Variants in SMARCA2 observed in about 807,000 individuals in gnomAD.
The protein encoded by SMARCA2 is SWI/SNF-related matrix-associated actin-dependent regulator of chromatin subfamily A member 2.
Under a neutral mutation model 199.8 loss-of-function variants are expected in SMARCA2, and 61 were observed. That is an observed-to-expected ratio of 0.31 (90% CI 0.25 to 0.38). The LOEUF (loss-of-function observed/expected upper bound fraction) is 0.38, where lower values mean the gene tolerates loss of function less well. Ranked by LOEUF, SMARCA2 falls within the 10% of genes least tolerant of loss-of-function variation. The pLI is 1.00. For synonymous variants in SMARCA2, 935 were observed against 732.0 expected, an observed-to-expected ratio of 1.28 and a Z score of -4.48; for missense variants, 1,344 against 2,012.2, an observed-to-expected ratio of 0.67 and a Z score of 6.35.
At chr9:2,095,555 G>A (rs1025177063) in intron 19 of SMARCA2, among the ~76,000 whole-genome samples, 3 of 152,044 alleles carry the variant, frequency 2.0e-5, no homozygotes, top group African/African-American at 4.8e-5. Context: ...GTTTTTGGAG[G>A]GTTACTTACA....
intron 30 of SMARCA2, 131 bp from the exon 31 acceptor site, chr9:2,182,010 G>A (rs1429289689): frequency 8.2e-6 from 6 of 734,254 alleles, no homozygotes; most frequent in African/African-American, 5.3e-5. Flanking sequence ...CTGGGGTTAT[G>A]CAGTCCCAGA....
chr9:2,021,070 C>G (rs1818580585), intron 1 of SMARCA2, among the ~76,000 whole-genome samples: 1 of 152,128 alleles, frequency 6.6e-6, no homozygotes, highest in African/African-American at 2.4e-5. Context: ...GTTTTTAAAA[C>G]CACAATATTC....
chr9:2,073,199 C>G lies in SMARCA2; in HGVS notation c.1747-13C>G. On this transcript the variant is annotated splice_polypyrimidine_tract_variant and intron_variant, in intron 10 of 33. Coordinates refer to ENST00000349721, the MANE Select transcript of SMARCA2 (RefSeq NM_003070.5). The stretch of plus-strand genomic sequence containing the variant: ...TAACATGAAACCGTGACATGATTTT[C>G]CCTCCTTTGTAGCCCATAGATGAGA... The G allele has an allele frequency of 1.9e-6, 3 of 1,613,796 alleles. No homozygotes were observed. Among genetic ancestry groups the G allele is most frequent in the Non-Finnish European group, 2.5e-6 (3 of 1,179,896 alleles).
At chr9:2,021,520 G>A (rs2130132453) in intron 1 of SMARCA2, among the ~76,000 whole-genome samples, 1 of 152,252 alleles carries the variant, frequency 6.6e-6, no homozygotes, top group East Asian at 1.9e-4. Flanking sequence ...ATCCCACTGG[G>A]AGATGCTTTA....
At chr9:2,149,720 T>G (rs915880770) in intron 27 of SMARCA2, among the ~76,000 whole-genome samples, 4 of 151,558 alleles carry the variant, frequency 2.6e-5, no homozygotes, top group Non-Finnish European at 5.9e-5. Context: ...ACCATATCAC[T>G]GGCCATGTTC....
At chr9:2,096,814 A>G (rs764197555) in intron 20 of SMARCA2, 50 bp downstream of exon 20, 7 of 1,082,450 alleles carry the variant, frequency 6.5e-6, no homozygotes, top group South Asian at 1.2e-5. Flanking sequence ...ATGTCTTCTC[A>G]TGGCTGTGAC....
At position 2,047,339 on chromosome 9, in the gene SMARCA2, G is replaced by GCAGTGCCCGGGCCCT; in HGVS notation, c.909_923dup (p.Gly304_Pro308dup). ...CGCAGCCGCGCAGCCGCCCGCGGCC[G>GCAGTGCCCGGGCCCT]CAGTGCCCGGGCCCTCAGTGCCGCA... On this transcript the variant is annotated inframe_insertion, in exon 5 of 34. Coordinates refer to ENST00000349721, the MANE Select transcript of SMARCA2 (RefSeq NM_003070.5). 8.0e-7 allele frequency: 1 copy of GCAGTGCCCGGGCCCT among 1,249,462 alleles called. No homozygotes were observed. The highest frequency in any genetic ancestry group is 1.0e-6 in the Non-Finnish European group (1 of 982,258). The allele number at this position is 1,249,462 out of a possible 1,614,324, so 77.4% of individuals were successfully genotyped here. A position where few individuals can be genotyped will look rare whatever the true frequency, so the allele number is the denominator to read the frequency against.
intron 18 of SMARCA2, among the ~76,000 whole-genome samples, chr9:2,087,672 A>T (rs567511245): frequency 6.6e-6 from 1 of 152,086 alleles, no homozygotes; most frequent in East Asian, 1.9e-4. Flanking sequence ...GAGCTCATTT[A>T]TGAAAGGTAG....
At chr9:2,021,648 T>C (rs1310604186) in intron 1 of SMARCA2, among the ~76,000 whole-genome samples, 1 of 152,206 alleles carries the variant, frequency 6.6e-6, no homozygotes, top group Non-Finnish European at 1.5e-5. Flanking sequence ...TTTTGTGGCT[T>C]GCTGTTGTGC....
intron 19 of SMARCA2, among the ~76,000 whole-genome samples, chr9:2,091,585 C>T (rs2130505081): frequency 6.6e-6 from 1 of 152,216 alleles, no homozygotes; most frequent in Middle Eastern, 3.4e-3. Context: ...TTTGTGTGAA[C>T]ATAGGTTTGC....
intron 4 of SMARCA2, chr9:2,041,297 G>A (rs1359652629): frequency 2.5e-6 from 1 of 398,336 alleles, no homozygotes; most frequent in African/African-American, 2.1e-5. Flanking sequence ...TCATTGACTG[G>A]GTGGCTTAAA....
intron 29 of SMARCA2, among the ~76,000 whole-genome samples, chr9:2,179,436 T>TAAAC (rs977746759): frequency 2.0e-5 from 3 of 152,238 alleles, no homozygotes; most frequent in Non-Finnish European, 4.4e-5. Flanking sequence ...CTTTATTTTT[T>TAAAC]AAACAGAATA....
At chr9:2,019,135 AG>A (rs200297183) in intron 1 of SMARCA2, among the ~76,000 whole-genome samples, 5 of 149,130 alleles carry the variant, frequency 3.4e-5, no homozygotes, top group African/African-American at 1.2e-4. Context: ...CGGTAGACTG[AG>A]GGGAAAAAAA....
At chr9:2,080,441 T>TA (rs1168952263) in intron 14 of SMARCA2, among the ~76,000 whole-genome samples, 4 of 152,160 alleles carry the variant, frequency 2.6e-5, no homozygotes, top group Non-Finnish European at 5.9e-5. Flanking sequence ...CAATTTTCTC[T>TA]AAAAAAAGCA....
intron 14 of SMARCA2, among the ~76,000 whole-genome samples, chr9:2,080,914 T>G (rs976062882): frequency 5.3e-5 from 8 of 152,228 alleles, no homozygotes; most frequent in Non-Finnish European, 1.0e-4. Flanking sequence ...TTACAGACCT[T>G]GGTATCTATC....
intron 3 of SMARCA2, among the ~76,000 whole-genome samples, chr9:2,038,758 A>T (rs941759380): frequency 3.3e-5 from 5 of 152,018 alleles, no homozygotes; most frequent in African/African-American, 1.2e-4. Context: ...CTAGTACTCA[A>T]TCCTTAAATA....
chr9:2,122,377 G>A (rs527991010), intron 26 of SMARCA2, among the ~76,000 whole-genome samples: 1 of 151,760 alleles, frequency 6.6e-6, no homozygotes, highest in Non-Finnish European at 1.5e-5. Flanking sequence ...GTTGCCTCAC[G>A]AAGCCCCTCT....
chr9:2,110,294 A>G lies in SMARCA2; in HGVS notation c.3333A>G (p.Lys1111=). ...KSEDRAALLK[K]FNEPGSQYFI... ...AAGATCGTGCTGCTTTGCTGAAGAAATTCAATGAACCTGGATCCCAGTATT... is the reference window on the plus strand; with the variant it reads ...AAGATCGTGCTGCTTTGCTGAAGAAGTTCAATGAACCTGGATCCCAGTATT... The change falls in exon 24 of 34, where the codon AAA becomes AAG. Residue 1111 remains lysine, a synonymous_variant. Coordinates refer to ENST00000349721, the MANE Select transcript of SMARCA2 (RefSeq NM_003070.5). This position sits in a 1 kb window ranked among gnomAD's most constrained non-coding sequence, Gnocchi z 4.8. 1 of 1,613,642 alleles carries G rather than the reference A, an allele frequency of 6.2e-7. No homozygotes were observed. The highest frequency in any genetic ancestry group is 8.5e-7 in the Non-Finnish European group (1 of 1,179,826).
At chr9:2,034,631 A>G (rs940668522) in intron 3 of SMARCA2, among the ~76,000 whole-genome samples, 3 of 152,230 alleles carry the variant, frequency 2.0e-5, no homozygotes, top group South Asian at 2.1e-4. Context: ...TCCTCTATCC[A>G]TGATCAGCTA....
Sources: allele counts gnomAD v4.1 joint callset (sites outside exome capture counted in the v4.1 genomes callset), GRCh38; gene constraint gnomAD v4.1.1; non-coding constraint Gnocchi (gnomAD v3.1); transcripts MANE v1.5; gene names NCBI Gene and HGNC (gene_info 2026-07-23, HGNC 2026-07-21).